SMURF2: variants seen among roughly 807,000 people sequenced by gnomAD.
SMURF2 encodes the protein E3 ubiquitin-protein ligase SMURF2.
SMURF2 carries 48 observed loss-of-function variants against 109.6 expected under a neutral mutation model. The ratio of observed to expected loss-of-function variants is 0.44; its 90% CI spans 0.35 to 0.56. SMURF2 has a LOEUF of 0.56. SMURF2 is among the 20% of genes least tolerant of loss of function. SMURF2 has a pLI of 0.01. For synonymous variants in SMURF2, 288 were observed against 317.1 expected (o/e 0.91, Z 0.97); for missense variants, 575 against 909.0 (o/e 0.63, Z 4.72).
At chr17:64,582,418 T>C (rs1047889862) in intron 7 of SMURF2, among the ~76,000 whole-genome samples, 1 of 152,180 alleles carries the variant, frequency 6.6e-6, no homozygotes, top group Non-Finnish European at 1.5e-5. Flanking sequence ...TTCAGCCACA[T>C]AGACTATTTG....
At position 64,562,908 on chromosome 17, in the gene SMURF2, C is replaced by G. The variant is rs1299763634; in HGVS notation, c.1075G>C (p.Asp359His). Residue 359 changes from aspartate to histidine, a missense_variant, in exon 11 of 19, where the codon GAC (aspartate) becomes CAC (histidine). This residue lies in a region of SMURF2 where 361 missense variants were observed against 612.1 expected (regional missense o/e 0.59). Transcript: ENST00000262435. ...CTTGGGACTGTCAGGCATTCTGTGT[C>G]ATCAGGACATAACGATACCACTTGC... is the stretch of plus-strand genomic sequence containing the variant. ...QQQVVSLCPD[D>H]TECLTVPRYK... 21 of 1,614,060 alleles carry G rather than the reference C, an allele frequency of 1.3e-5. No homozygotes were observed. Among genetic ancestry groups the G allele is most frequent in the Non-Finnish European group, 1.6e-5 (19 of 1,180,030 alleles).
At chr17:64,655,253 T>A (rs562592503) in intron 1 of SMURF2, among the ~76,000 whole-genome samples, 1,099 of 78,676 alleles carry the variant, frequency 0.014, 27 homozygotes, top group African/African-American at 0.13. Context: ...ATGAAATGTC[T>A]TTTTTTTTTT....
chr17:64,637,962 A>G lies in SMURF2; in HGVS notation c.52+23867T>C, dbSNP rs1006762503. Among the ~76,000 whole-genome samples, 4 of 149,406 alleles carry G rather than the reference A, an allele frequency of 2.7e-5. No homozygotes were observed. In the South Asian group the frequency reaches 6.3e-4, roughly 23 times the overall value. On this transcript the variant is annotated intron_variant, in intron 1 of 18. Coordinates refer to ENST00000262435, the MANE Select transcript of SMURF2 (RefSeq NM_022739.4). Reference sequence around the variant, plus strand: ...AAAAAAATCAACTGACCACAAATGTATAATTTTCTTTCTGGACTTTCTATT... The same window carrying G: ...AAAAAAATCAACTGACCACAAATGTGTAATTTTCTTTCTGGACTTTCTATT...
At chr17:64,646,651 G>A (rs1293860852) in intron 1 of SMURF2, among the ~76,000 whole-genome samples, 1 of 152,098 alleles carries the variant, frequency 6.6e-6, no homozygotes, top group Non-Finnish European at 1.5e-5. Context: ...CAAAGTGCTG[G>A]GATTACAGGC....
chr17:64,650,348 T>G (rs199696715), intron 1 of SMURF2, among the ~76,000 whole-genome samples: 61 of 128,780 alleles, frequency 4.7e-4, no homozygotes, highest in East Asian at 2.3e-3. Context: ...TTGTTTTTTG[T>G]TTTTTTTTTT....
intron 7 of SMURF2, among the ~76,000 whole-genome samples, chr17:64,582,753 C>T (rs1969594667): frequency 6.6e-6 from 1 of 151,956 alleles, no homozygotes; most frequent in East Asian, 1.9e-4. Context: ...CACCCACCAC[C>T]ACGTCCAGCT....
In SMURF2 at chr17:64,545,223, T is replaced by C. The variant is rs1968930375; in HGVS notation, c.*625A>G. ...TTCCAGGAAATCCGTTCTTGAAAAA[T>C]GTAAAAAAGACCCACTTAGACTAGG... is the stretch of plus-strand genomic sequence containing the variant. On this transcript the variant is annotated 3_prime_UTR_variant, in exon 19 of 19. Coordinates refer to ENST00000262435, the MANE Select transcript of SMURF2 (RefSeq NM_022739.4). The C allele has an allele frequency of 6.6e-6, 1 of 152,370 alleles. No individual in the cohort carries two copies. Among genetic ancestry groups the C allele is most frequent in the Non-Finnish European group, 1.5e-5 (1 of 67,976 alleles). 9.4% of individuals were successfully genotyped at this position (152,370 alleles called of 1,614,324 possible). A position where few individuals can be genotyped will look rare whatever the true frequency, so the allele number is the denominator to read the frequency against.
intron 3 of SMURF2, among the ~76,000 whole-genome samples, chr17:64,595,085 C>T (rs1305778960): frequency 3.9e-5 from 6 of 152,134 alleles, no homozygotes; most frequent in African/African-American, 1.4e-4. Flanking sequence ...TTACCTCAGT[C>T]CTCAGGGCAA....
chr17:64,582,772 T>C (rs1372506678), intron 7 of SMURF2, among the ~76,000 whole-genome samples: 1 of 152,038 alleles, frequency 6.6e-6, no homozygotes, highest in Non-Finnish European at 1.5e-5. Context: ...CTAATTTTTG[T>C]ATTTTTAGTA....
chr17:64,562,813 T>C lies in SMURF2; in HGVS notation c.1170A>G (p.Ala390=). ...RQELSQQQPQ[A]GHCRIEVSRE... is the part of the protein sequence containing the mutation. The stretch of plus-strand genomic sequence containing the variant: ...TGGAAACCTCAATGCGGCAATGACC[T>C]GCCTGAGGCTGTTGTTGGGAAAGTT... Residue 390 remains alanine, a synonymous_variant, in exon 11 of 19, where the codon GCA becomes GCG. Transcript: ENST00000262435. The C allele has an allele frequency of 1.2e-6, 2 of 1,614,224 alleles. No homozygotes were observed. Among genetic ancestry groups the C allele is most frequent in the Non-Finnish European group, 1.7e-6 (2 of 1,180,030 alleles).
chr17:64,650,123 C>G (rs189248457), intron 1 of SMURF2, among the ~76,000 whole-genome samples: 1 of 151,384 alleles, frequency 6.6e-6, no homozygotes, highest in Non-Finnish European at 1.5e-5. Flanking sequence ...TGACAAAGTA[C>G]GTTTACAAAA....
intron 1 of SMURF2, among the ~76,000 whole-genome samples, chr17:64,660,153 C>G (rs374789885): frequency 8.5e-5 from 13 of 152,222 alleles, no homozygotes; most frequent in African/African-American, 3.1e-4. Context: ...TACTAAAAAC[C>G]TCAACTAACC....
chr17:64,627,482 T>C (rs1488119076), intron 1 of SMURF2, among the ~76,000 whole-genome samples: 12 of 152,156 alleles, frequency 7.9e-5, no homozygotes, highest in Admixed American at 7.9e-4. Flanking sequence ...TTTAGATGAG[T>C]TGAGAAACAG....
intron 1 of SMURF2, among the ~76,000 whole-genome samples, chr17:64,609,645 C>T (rs991278409): frequency 1.4e-4 from 18 of 128,282 alleles, no homozygotes; most frequent in South Asian, 2.4e-4. Context: ...AAGACTTAAA[C>T]GTAAGACTTA....
chr17:64,605,738 A>G (rs1384343953), intron 2 of SMURF2, among the ~76,000 whole-genome samples: 2 of 96,452 alleles, frequency 2.1e-5, no homozygotes, highest in African/African-American at 1.0e-4. Flanking sequence ...TCCTGTCTCT[A>G]AAAAGAATAT....
At chr17:64,624,905 G>A (rs910571150) in intron 1 of SMURF2, among the ~76,000 whole-genome samples, 8 of 152,132 alleles carry the variant, frequency 5.3e-5, no homozygotes, top group Admixed American at 1.3e-4. Flanking sequence ...GAGCCATAGA[G>A]GATAAGTGAT....
chr17:64,622,044 A>G (rs1970213240), intron 1 of SMURF2, among the ~76,000 whole-genome samples: 1 of 148,414 alleles, frequency 6.7e-6, no homozygotes, highest in African/African-American at 2.4e-5. Flanking sequence ...TGGGTGGCAG[A>G]GTGAGACCTT....
At chr17:64,633,569 A>G (rs1555691823) in intron 1 of SMURF2, among the ~76,000 whole-genome samples, 1 of 152,202 alleles carries the variant, frequency 6.6e-6, no homozygotes, top group African/African-American at 2.4e-5. Flanking sequence ...TGTCATATTC[A>G]CTTTGTTGCA....
intron 9 of SMURF2, among the ~76,000 whole-genome samples, chr17:64,573,875 G>A (rs782614674): frequency 3.9e-5 from 6 of 152,146 alleles, no homozygotes; most frequent in Non-Finnish European, 8.8e-5. Context: ...ACTAAAGCAG[G>A]AACAGAAAAC....
Sources: allele counts gnomAD v4.1 joint callset (sites outside exome capture counted in the v4.1 genomes callset), GRCh38; gene constraint gnomAD v4.1.1; regional missense constraint gnomAD v4.1.1; transcripts MANE v1.5; gene names NCBI Gene and HGNC (gene_info 2026-07-23, HGNC 2026-07-21).